Variants in CALHM4 observed in about 807,000 individuals in gnomAD.
CALHM4 encodes the protein calcium homeostasis modulator family member 4, also known as calcium homeostasis modulator protein 4.
In CALHM4, 16 loss-of-function variants were observed where a neutral mutation model predicts 13.3. The ratio of observed to expected loss-of-function variants is 1.20; its 90% confidence interval spans 0.81 to 1.82. The LOEUF (loss-of-function observed/expected upper bound fraction) is 1.82, where lower values mean the gene tolerates loss of function less well. Among genes scored for constraint, CALHM4 ranks in the 40% most tolerant of loss-of-function variants. The pLI is 0.00. For synonymous variants in CALHM4, 127 were observed against 137.1 expected, an observed-to-expected ratio of 0.93 and a Z score of 0.52; for missense variants, 344 against 374.9, an observed-to-expected ratio of 0.92 and a Z score of 0.68.
At chr6:116,543,521 C>A in intron 1 of CALHM4, 1 of 834,606 alleles carries the variant, frequency 1.2e-6, no homozygotes, top group Non-Finnish European at 1.8e-6. Flanking sequence ...TTTTTTCCTT[C>A]CTCCTATTAT....
Position 116,554,217 on chromosome 6 carries a change from T to A in CALHM4, c.424T>A (p.Tyr142Asn). The A allele has an allele frequency of 6.4e-7, 1 of 1,550,628 alleles. No individual in the cohort carries two copies. The highest frequency in any genetic ancestry group is 8.7e-7 in the Non-Finnish European group (1 of 1,146,996). The change falls in exon 1 of 2, where the codon TAC (tyrosine) becomes AAC (asparagine). Residue 142 changes from tyrosine to asparagine, a missense_variant. By Grantham distance (143) the Tyr-to-Asn change is moderately radical. Transcript: ENST00000368596. ...AASEFASVDHYPMFDNVSASK... is the reference protein window; with the variant it reads ...AASEFASVDHNPMFDNVSASK... Reference sequence around the variant, plus strand: ...AAGTGAATTTGCATCTGTGGACCATTACCCAATGTTTGATAATGTCAGTGC... The same window carrying A: ...AAGTGAATTTGCATCTGTGGACCATAACCCAATGTTTGATAATGTCAGTGC...
rs990011184 is a variant in CALHM4, at chr6:116,558,074, C to T, written c.808C>T (p.Gln270Ter). The T allele has an allele frequency of 2.5e-6, 4 of 1,614,016 alleles. No individual in the cohort carries two copies. Among genetic ancestry groups the T allele is most frequent in the Admixed American group, 1.7e-5 (1 of 60,006 alleles). Residue 270 changes from glutamine (Q) to a stop codon, truncating the protein, a stop_gained, in exon 2 of 2, where the codon CAG becomes TAG. Coordinates refer to ENST00000368596, the MANE Select transcript of CALHM4 (RefSeq NM_001366078.2). LOFTEE classifies it high-confidence loss of function. ...CAAACACATCCGCATTCCTTCTTGT[C>T]AGGACTGGAAAGATATTTCAGTACC... ...DVKHIRIPSC[Q>*]DWKDISVPTL...
At chr6:116,539,367 T>G (rs1469571154) in intron 1 of CALHM4, among the ~76,000 whole-genome samples, 1 of 152,200 alleles carries the variant, frequency 6.6e-6, no homozygotes, top group Non-Finnish European at 1.5e-5. Flanking sequence ...TTCAACCACA[T>G]TATTCACTAG....
intron 2 of CALHM4, chr6:116,545,420 C>CTG: frequency 6.8e-7 from 1 of 1,463,422 alleles, no homozygotes; most frequent in Non-Finnish European, 9.2e-7. Context: ...AGAAATCACT[C>CTG]AAGAAAACAT....
chr6:116,536,866 A>G (rs1773127977), intron 1 of CALHM4, among the ~76,000 whole-genome samples: 2 of 152,196 alleles, frequency 1.3e-5, no homozygotes, highest in South Asian at 2.1e-4. Context: ...TGACTGTATC[A>G]TTTGACATCT....
At chr6:116,543,432 G>T (rs1205100987) in intron 1 of CALHM4, 2 of 1,502,716 alleles carry the variant, frequency 1.3e-6, no homozygotes, top group African/African-American at 1.4e-5. Context: ...CTGGTTATAG[G>T]CAAGTTATGA....
intron 1 of CALHM4, among the ~76,000 whole-genome samples, chr6:116,542,278 G>A (rs1348840938): frequency 6.6e-6 from 1 of 151,842 alleles, no homozygotes; most frequent in Non-Finnish European, 1.5e-5. Flanking sequence ...GAATGCCCTT[G>A]ACTAATTAAG....
At chr6:116,543,623 T>C (rs989597999) in intron 1 of CALHM4, 10 of 646,884 alleles carry the variant, frequency 1.5e-5, no homozygotes, top group Non-Finnish European at 2.4e-5. Flanking sequence ...ATAAAATGAA[T>C]TTCGTAACAT....
intron 1 of CALHM4, among the ~76,000 whole-genome samples, chr6:116,529,485 T>C (rs1255535822): frequency 1.3e-5 from 2 of 152,226 alleles, no homozygotes; most frequent in Non-Finnish European, 2.9e-5. Flanking sequence ...GGATTTCCTG[T>C]CAGGCTGCTT....
intron 1 of CALHM4, chr6:116,540,368 C>A: frequency 6.5e-7 from 1 of 1,550,302 alleles, no homozygotes; most frequent in Non-Finnish European, 8.7e-7. Context: ...GTTACCTGGG[C>A]AATTATGTCT....
chr6:116,541,512 TGGAG>T (rs1328922555), intron 1 of CALHM4, among the ~76,000 whole-genome samples: 1 of 152,132 alleles, frequency 6.6e-6, no homozygotes, highest in Non-Finnish European at 1.5e-5. Flanking sequence ...ACTAGGTGGT[TGGAG>T]GGAGACGGAT....
intron 1 of CALHM4, among the ~76,000 whole-genome samples, chr6:116,536,769 G>C (rs1773122584): frequency 6.6e-6 from 1 of 152,134 alleles, no homozygotes; most frequent in Non-Finnish European, 1.5e-5. Flanking sequence ...ACAGCCATTA[G>C]GTTCTATTCT....
At chr6:116,538,224 A>G (rs900583641) in intron 1 of CALHM4, among the ~76,000 whole-genome samples, 1 of 152,186 alleles carries the variant, frequency 6.6e-6, no homozygotes, top group African/African-American at 2.4e-5. Context: ...CTAATAATAG[A>G]CAGTAAGAAA....
chr6:116,557,922 G>T lies in CALHM4; in HGVS notation c.656G>T (p.Cys219Phe), dbSNP rs1774403892. Reference sequence around the variant, plus strand: ...TCTCCCCTCACCTCTCTGCAACATTGCTACTGGACCAGCCACCTCCAGAAT... The same window carrying T: ...TCTCCCCTCACCTCTCTGCAACATTTCTACTGGACCAGCCACCTCCAGAAT... The part of the protein sequence containing the change: ...CCSPLTSLQH[C>F]YWTSHLQNER... Residue 219 changes from cysteine (C) to phenylalanine (F), a missense_variant, in exon 2 of 2, where the codon TGC becomes TTC. Coordinates refer to ENST00000368596, the MANE Select transcript of CALHM4 (RefSeq NM_001366078.2). 6 of 1,614,054 alleles carry T rather than the reference G, an allele frequency of 3.7e-6. No homozygotes were observed. Among genetic ancestry groups the T allele is most frequent in the Non-Finnish European group, 5.1e-6 (6 of 1,180,006 alleles).
At chr6:116,541,016 C>A (rs903604998) in intron 1 of CALHM4, among the ~76,000 whole-genome samples, 1 of 152,036 alleles carries the variant, frequency 6.6e-6, no homozygotes, top group Non-Finnish European at 1.5e-5. Context: ...AAGTGAAAAA[C>A]AGCCAAGTTC....
chr6:116,531,489 T>C (rs1478963162), intron 1 of CALHM4, among the ~76,000 whole-genome samples: 6 of 152,120 alleles, frequency 3.9e-5, no homozygotes, highest in Non-Finnish European at 8.8e-5. Flanking sequence ...CCACAAAGAC[T>C]TGCTGCTGAG....
At chr6:116,548,523 C>A (rs746372179) in intron 2 of CALHM4, among the ~76,000 whole-genome samples, 15 of 152,174 alleles carry the variant, frequency 9.9e-5, no homozygotes, top group Non-Finnish European at 2.1e-4. Flanking sequence ...TCCTTTACAG[C>A]AAGAATTTTA....
Position 116,557,804 on chromosome 6 carries a change from C to T in CALHM4, c.559-21C>T, listed in dbSNP as rs1554241389. 3.8e-6 allele frequency: 6 copies of T among 1,594,478 alleles called. No individual in the cohort carries two copies. The Admixed American group carries it at 5.2e-5, about 14-fold the overall frequency. ...TGATGCATTGATACTTCCTGTTTTTCTTTTTAATAATGATGTGAAGATGCT... is the reference window on the plus strand; with the variant it reads ...TGATGCATTGATACTTCCTGTTTTTTTTTTTAATAATGATGTGAAGATGCT... On this transcript the variant is annotated intron_variant, in intron 1 of 1. Transcript: ENST00000368596.
chr6:116,548,007 G>T (rs1305873451), intron 2 of CALHM4, among the ~76,000 whole-genome samples: 1 of 152,178 alleles, frequency 6.6e-6, no homozygotes, highest in Non-Finnish European at 1.5e-5. Flanking sequence ...TGATCTGTCG[G>T]TTGTATGATC....
Sources: gnomAD v4.1 joint callset for allele counts (sites outside exome capture counted in the v4.1 genomes callset) on GRCh38, gnomAD v4.1.1 for gene constraint, MANE v1.5 for transcripts, NCBI Gene and HGNC (gene_info 2026-07-23, HGNC 2026-07-21) for gene names.